WSB1: variants seen among roughly 807,000 people sequenced by gnomAD.
The protein encoded by WSB1 is WD repeat and SOCS box-containing protein 1.
In WSB1, 23 loss-of-function variants were observed where a neutral mutation model predicts 50.2. That is an observed-to-expected ratio of 0.46 (90% CI 0.33 to 0.65). WSB1 has a LOEUF of 0.65. Among genes scored for constraint, WSB1 ranks in the 30% least tolerant of loss-of-function variants. WSB1 has a pLI of 0.02. For missense variants in WSB1, 492 were observed against 522.3 expected, an observed-to-expected ratio of 0.94 and a Z score of 0.56; for synonymous variants, 179 against 172.0, an observed-to-expected ratio of 1.04 and a Z score of -0.32.
chr17:27,295,611 A>G (rs903971790), intron 1 of WSB1, among the ~76,000 whole-genome samples: 2 of 152,192 alleles, frequency 1.3e-5, no homozygotes, highest in Non-Finnish European at 2.9e-5. Flanking sequence ...AAAAGATGCA[A>G]AGAACACAGA....
chr17:27,304,313 T>C (rs796667749), intron 3 of WSB1, among the ~76,000 whole-genome samples: 52 of 152,238 alleles, frequency 3.4e-4, no homozygotes, highest in African/African-American at 1.2e-3. Flanking sequence ...ACATTTTTTT[T>C]CACTGGGATC....
chr17:27,294,368 A>G lies in WSB1; in HGVS notation c.-28A>G. On this transcript the variant is annotated 5_prime_UTR_variant, in exon 1 of 9. Transcript: ENST00000262394. ...TTCTCTGTTGTTGGGTCCGCATCGT[A>G]TTCCCGGAATCAGACGGTGCCCCAT... The G allele has an allele frequency of 6.2e-7, 1 of 1,612,430 alleles. No individual in the cohort carries two copies. The highest frequency in any genetic ancestry group is 8.5e-7 in the Non-Finnish European group (1 of 1,178,952).
At position 27,294,361 on chromosome 17, in the gene WSB1, G is replaced by C. The variant is rs1463008304; in HGVS notation, c.-35G>C. 1.2e-6 allele frequency: 2 copies of C among 1,611,614 alleles called. No individual in the cohort carries two copies. The highest frequency in any genetic ancestry group is 1.7e-6 in the Non-Finnish European group (2 of 1,178,486). ...CACTCTCTTCTCTGTTGTTGGGTCCGCATCGTATTCCCGGAATCAGACGGT... is the reference window on the plus strand; with the variant it reads ...CACTCTCTTCTCTGTTGTTGGGTCCCCATCGTATTCCCGGAATCAGACGGT... On this transcript the variant is annotated 5_prime_UTR_variant, in exon 1 of 9. Coordinates refer to ENST00000262394, the MANE Select transcript of WSB1 (RefSeq NM_015626.10).
At position 27,312,424 on chromosome 17, in the gene WSB1, T is replaced by G. The variant is rs1264857415; in HGVS notation, c.*55T>G. 1.0e-5 allele frequency: 16 copies of G among 1,580,688 alleles called. No homozygotes were observed. The African/African-American group carries it at 2.2e-4, about 22-fold the overall frequency. On this transcript the variant is annotated 3_prime_UTR_variant, in exon 9 of 9. Transcript: ENST00000262394. ...TGACAGAATACACTTAACACAAACCTCAAGCTTTACTGACTTCAATTATCT... is the reference window on the plus strand; with the variant it reads ...TGACAGAATACACTTAACACAAACCGCAAGCTTTACTGACTTCAATTATCT...
intron 1 of WSB1, among the ~76,000 whole-genome samples, chr17:27,295,306 A>G (rs1341773025): frequency 6.6e-6 from 1 of 152,260 alleles, no homozygotes; most frequent in Non-Finnish European, 1.5e-5. Flanking sequence ...GCCGCTGAGC[A>G]GAGAGCATTT....
chr17:27,307,014 TGGG>T (rs887773494), intron 5 of WSB1, 132 bp downstream of exon 5: 44 of 813,054 alleles, frequency 5.4e-5, no homozygotes, highest in Middle Eastern at 4.8e-4. Context: ...TATTTCATGA[TGGG>T]GGAGAATTTG....
chr17:27,308,683 C>T, intron 5 of WSB1: 1 of 986,588 alleles, frequency 1.0e-6, no homozygotes, highest in Non-Finnish European at 1.2e-6. Context: ...AATTTGTTAA[C>T]CTTACGTTTT....
intron 4 of WSB1, among the ~76,000 whole-genome samples, chr17:27,306,437 A>C (rs2017462216): frequency 6.6e-6 from 1 of 151,964 alleles, no homozygotes; most frequent in Non-Finnish European, 1.5e-5. Flanking sequence ...ATTGTCTCAA[A>C]TTCCTGGCCT....
intron 3 of WSB1, among the ~76,000 whole-genome samples, chr17:27,304,200 TACTA>T (rs1373636641): frequency 1.3e-5 from 2 of 152,178 alleles, no homozygotes; most frequent in Admixed American, 6.5e-5. Context: ...TAACAAGTGA[TACTA>T]ACATAGGTGA....
intron 1 of WSB1, among the ~76,000 whole-genome samples, chr17:27,295,879 C>T (rs1597747899): frequency 6.6e-6 from 1 of 151,478 alleles, no homozygotes; most frequent in Non-Finnish European, 1.5e-5. Flanking sequence ...CTCTTGTTGC[C>T]CAGGCTGGAG....
At chr17:27,302,975 A>G (rs957095040) in intron 2 of WSB1, 1 of 172,174 alleles carries the variant, frequency 5.8e-6, no homozygotes, top group African/African-American at 2.4e-5. Flanking sequence ...TTCCCCCTTT[A>G]AGGCAATTTT....
intron 8 of WSB1, 152 bp downstream of exon 8, chr17:27,311,768 A>T (rs777930387): frequency 1.6e-6 from 1 of 612,686 alleles, no homozygotes; most frequent in Non-Finnish European, 2.7e-6. Context: ...AGTAGCTGGG[A>T]CTACAGGTGC....
chr17:27,294,626 C>G (rs2016869035), intron 1 of WSB1, among the ~76,000 whole-genome samples, 191 bp downstream of exon 1: 2 of 152,308 alleles, frequency 1.3e-5, no homozygotes, highest in African/African-American at 2.4e-5. Flanking sequence ...GACGTGGATG[C>G]AGCACCTACT....
intron 4 of WSB1, among the ~76,000 whole-genome samples, chr17:27,305,452 T>C (rs547501334): frequency 2.0e-5 from 3 of 152,376 alleles, no homozygotes; most frequent in African/African-American, 7.2e-5. Context: ...TGGTGTCAAG[T>C]ACTCACCTTT....
At chr17:27,311,767 G>A (rs2017692433) in intron 8 of WSB1, 151 bp downstream of exon 8, 1 of 614,542 alleles carries the variant, frequency 1.6e-6, no homozygotes. Context: ...GAGTAGCTGG[G>A]ACTACAGGTG....
chr17:27,314,956 G>A lies in WSB1; in HGVS notation c.*2587G>A, dbSNP rs76638724. Reference sequence around the variant, plus strand: ...GCTGGGATTATAGGTGTGAGCCACCGAACCTGGCCCAAAACAGCATTTTTG... The same window carrying A: ...GCTGGGATTATAGGTGTGAGCCACCAAACCTGGCCCAAAACAGCATTTTTG... On this transcript the variant is annotated 3_prime_UTR_variant, in exon 9 of 9. Coordinates refer to ENST00000262394, the MANE Select transcript of WSB1 (RefSeq NM_015626.10). 0.084 allele frequency: 12,745 copies of A among 152,198 alleles called. 727 individuals carry two copies. The highest frequency in any genetic ancestry group is 0.13 in the Non-Finnish European group (9,021 of 68,026). 9.4% of individuals were successfully genotyped at this position (152,198 alleles called of 1,614,324 possible).
chr17:27,302,276 T>C (rs1266007228), intron 2 of WSB1, among the ~76,000 whole-genome samples: 2 of 151,976 alleles, frequency 1.3e-5, no homozygotes, highest in African/African-American at 4.8e-5. Flanking sequence ...CTGGGCGTGG[T>C]GTGGCACACC....
chr17:27,314,021 A>G lies in WSB1; in HGVS notation c.*1652A>G, dbSNP rs1009711887. 6.6e-6 allele frequency: 1 copy of G among 152,186 alleles called. No homozygotes were observed. Among genetic ancestry groups the G allele is most frequent in the African/African-American group, 2.4e-5 (1 of 41,448 alleles). 9.4% of individuals were successfully genotyped at this position (152,186 alleles called of 1,614,324 possible). A position where few individuals can be genotyped will look rare whatever the true frequency, so the allele number is the denominator to read the frequency against. On this transcript the variant is annotated 3_prime_UTR_variant, in exon 9 of 9. Transcript: ENST00000262394. ...AAGGCATTAAAAAAGCAAAACTCTT[A>G]TGAGCCATGTGTGATTTTGAAGACT...
At chr17:27,311,019 T>A (rs969749447) in intron 7 of WSB1, among the ~76,000 whole-genome samples, 48 of 152,262 alleles carry the variant, frequency 3.2e-4, no homozygotes, top group East Asian at 7.7e-4. Context: ...CTAGTTTTTT[T>A]AAAAAATTTT....
Sources: gnomAD v4.1 joint callset for allele counts (sites outside exome capture counted in the v4.1 genomes callset) on GRCh38, gnomAD v4.1.1 for gene constraint, MANE v1.5 for transcripts, NCBI Gene and HGNC (gene_info 2026-07-23, HGNC 2026-07-21) for gene names.